The following CTNNA2 variants were observed in gnomAD, a reference collection of about 807,000 sequenced individuals.
CTNNA2 encodes catenin alpha 2.
In CTNNA2, 42 loss-of-function variants were observed where a neutral mutation model predicts 101.0. The observed-to-expected ratio is 0.42, with a 90% CI of 0.32 to 0.54. The LOEUF (loss-of-function observed/expected upper bound fraction) is 0.54. Among genes scored for constraint, CTNNA2 ranks in the 20% least tolerant of loss-of-function variants. CTNNA2 has a pLI of 0.14. For missense variants in CTNNA2, 871 were observed against 1,223.1 expected (o/e 0.71, Z 4.29); for synonymous variants, 450 against 456.4 (o/e 0.99, Z 0.18).
intron 1 of CTNNA2, among the ~76,000 whole-genome samples, chr2:79,527,775 T>C (rs961944301): frequency 1.3e-5 from 2 of 152,192 alleles, no homozygotes; most frequent in African/African-American, 4.8e-5. Flanking sequence ...AAAAGTTAAA[T>C]ATAAAATTTC....
intron 7 of CTNNA2, among the ~76,000 whole-genome samples, chr2:80,309,932 A>T (rs1677388838): frequency 6.6e-6 from 1 of 151,580 alleles, no homozygotes; most frequent in African/African-American, 2.4e-5. Context: ...ACAAACTCTA[A>T]TAGAGTTTGG....
intron 2 of CTNNA2, among the ~76,000 whole-genome samples, chr2:79,710,216 G>T (rs1192881646): frequency 6.6e-6 from 1 of 151,842 alleles, no homozygotes; most frequent in Non-Finnish European, 1.5e-5. Context: ...AAAAAAAAAT[G>T]GATGAGACTT....
intron 7 of CTNNA2, among the ~76,000 whole-genome samples, chr2:80,096,284 G>A (rs1459734895): frequency 6.6e-6 from 1 of 152,198 alleles, no homozygotes; most frequent in African/African-American, 2.4e-5. Flanking sequence ...TCAGGAGCAG[G>A]TTGTTCAGTT....
Position 80,547,690 on chromosome 2 carries a change from C to CTTTTTTTTTTTTTTTTTTTTTT in CTNNA2, c.1540+1643_1540+1644insTTTTTTTTTTTTTTTTTTTTTT, listed in dbSNP as rs61186189. Reference sequence around the variant, plus strand: ...AGAACTCAATATATTGTCACTTCTGCTTTTTTTTTTTTTTTTGAGATGGAG... The same window carrying CTTTTTTTTTTTTTTTTTTTTTT: ...AGAACTCAATATATTGTCACTTCTGCTTTTTTTTTTTTTTTTTTTTTTTTTTTTTTTTTTTTTTGAGATGGAG... On this transcript the variant is annotated intron_variant, in intron 11 of 18. Transcript: ENST00000402739. Among the ~76,000 whole-genome samples, 4 of 124,314 alleles carry CTTTTTTTTTTTTTTTTTTTTTT rather than the reference C, an allele frequency of 3.2e-5. 2 individuals are homozygous for CTTTTTTTTTTTTTTTTTTTTTT. The highest frequency in any genetic ancestry group is 6.8e-5 in the African/African-American group (2 of 29,340). The allele number at this position is 124,314 out of a possible 152,430, so 81.6% of individuals were successfully genotyped here.
intron 1 of CTNNA2, among the ~76,000 whole-genome samples, chr2:79,524,157 T>G (rs993746959): frequency 2.5e-4 from 38 of 152,026 alleles, no homozygotes; most frequent in African/African-American, 8.9e-4. Flanking sequence ...TTATATTTAA[T>G]TTAAGATAAT....
chr2:79,442,786 G>A (rs1678790292), intron 4 of CTNNA2, among the ~76,000 whole-genome samples: 1 of 152,040 alleles, frequency 6.6e-6, no homozygotes, highest in Admixed American at 6.6e-5. Context: ...TGATTACTTT[G>A]TCTGTTTGTA....
intron 7 of CTNNA2, among the ~76,000 whole-genome samples, chr2:80,280,732 A>G (rs1674315827): frequency 6.6e-6 from 1 of 152,136 alleles, no homozygotes; most frequent in South Asian, 2.1e-4. Context: ...TGCTATTCTG[A>G]GGAACATGAT....
rs530479251 is a variant in CTNNA2, at chr2:80,463,066, C to T, written c.1290+43465C>T. ...TTTTACCTGACTCCCTAGGAGTTGG[C>T]GCTGTGATGCGATGCTTACTTGACT... On this transcript the variant is annotated intron_variant, in intron 9 of 18. Transcript: ENST00000402739. 7.9e-5 allele frequency among the ~76,000 whole-genome samples: 12 copies of T among 152,240 alleles called. No homozygotes were observed. The East Asian group carries it at 2.1e-3, about 27-fold the overall frequency.
intron 12 of CTNNA2, among the ~76,000 whole-genome samples, chr2:80,570,876 A>G (rs1187691374): frequency 6.6e-6 from 1 of 152,094 alleles, no homozygotes; most frequent in African/African-American, 2.4e-5. Flanking sequence ...TGCTGGTGCA[A>G]ATAGAATCCT....
At chr2:79,439,710 A>T (rs1678756941) in intron 4 of CTNNA2, among the ~76,000 whole-genome samples, 1 of 152,204 alleles carries the variant, frequency 6.6e-6, no homozygotes, top group Non-Finnish European at 1.5e-5. Context: ...CTCTAGAACA[A>T]GAGTTCTTCC....
Position 80,647,579 on chromosome 2 carries a change from C to A in CTNNA2, c.2575-6C>A. Reference sequence around the variant, plus strand: ...CCACATGTATCTCATTCTTTTCCTACTCTAGCTGGACAGTGCCACATCGCT... The same window carrying A: ...CCACATGTATCTCATTCTTTTCCTAATCTAGCTGGACAGTGCCACATCGCT... On this transcript the variant is annotated splice_region_variant and splice_polypyrimidine_tract_variant and intron_variant, in intron 18 of 18. Coordinates refer to ENST00000402739, the MANE Select transcript of CTNNA2 (RefSeq NM_001282597.3). 6.3e-7 allele frequency: 1 copy of A among 1,595,950 alleles called. No individual in the cohort carries two copies. The highest frequency in any genetic ancestry group is 8.6e-7 in the Non-Finnish European group (1 of 1,169,374).
At chr2:79,968,313 C>T (rs1690225409) in intron 7 of CTNNA2, among the ~76,000 whole-genome samples, 1 of 152,082 alleles carries the variant, frequency 6.6e-6, no homozygotes, top group Non-Finnish European at 1.5e-5. Context: ...CCCAGGCTGA[C>T]AGAGTAGCCA....
chr2:80,575,216 T>C (rs1444280189), intron 13 of CTNNA2: 1 of 151,778 alleles, frequency 6.6e-6, no homozygotes, highest in Non-Finnish European at 1.5e-5. Flanking sequence ...TCTGCAGTTC[T>C]AATCCCAAAA....
intron 4 of CTNNA2, among the ~76,000 whole-genome samples, chr2:79,464,175 C>T (rs1206265204): frequency 6.6e-6 from 1 of 152,082 alleles, no homozygotes; most frequent in Non-Finnish European, 1.5e-5. Flanking sequence ...ATGTTCCCCA[C>T]CCTGTGTCCA....
In CTNNA2 at chr2:80,302,616, G is replaced by T; in HGVS notation, c.1057-90595G>T. Reference sequence around the variant, plus strand: ...GTGGCAGGCTCGAATGTGCCGTCGTGCTGCCCCTCCCCGCCGTCCGCGAGC... The same window carrying T: ...GTGGCAGGCTCGAATGTGCCGTCGTTCTGCCCCTCCCCGCCGTCCGCGAGC... On this transcript the variant is annotated intron_variant, in intron 7 of 18. Coordinates refer to ENST00000402739, the MANE Select transcript of CTNNA2 (RefSeq NM_001282597.3). The surrounding 1 kb of genome is among the most constrained non-coding windows in gnomAD (Gnocchi z 6.4). 3 of 1,605,782 alleles carry T rather than the reference G, an allele frequency of 1.9e-6. No individual in the cohort carries two copies. Among genetic ancestry groups the T allele is most frequent in the Non-Finnish European group, 2.5e-6 (3 of 1,178,496 alleles).
intron 4 of CTNNA2, among the ~76,000 whole-genome samples, chr2:79,437,839 G>T (rs1400872138): frequency 6.6e-6 from 1 of 152,140 alleles, no homozygotes; most frequent in Non-Finnish European, 1.5e-5. Context: ...GCTGCTCTTT[G>T]TTCCAGCGCT....
At chr2:80,545,435 ACT>A (rs1691967183) in intron 10 of CTNNA2, among the ~76,000 whole-genome samples, 1 of 152,080 alleles carries the variant, frequency 6.6e-6, no homozygotes, top group African/African-American at 2.4e-5. Flanking sequence ...GTCCCAGTTT[ACT>A]GGGGAGTCTG....
intron 6 of CTNNA2, among the ~76,000 whole-genome samples, chr2:79,885,649 T>A (rs969259342): frequency 1.3e-5 from 2 of 152,234 alleles, no homozygotes; most frequent in African/African-American, 4.8e-5. Context: ...ACTACAGACA[T>A]CTAGCAACCC....
chr2:79,365,415 G>C (rs916366886), intron 3 of CTNNA2, among the ~76,000 whole-genome samples: 1 of 152,116 alleles, frequency 6.6e-6, no homozygotes, highest in Admixed American at 6.5e-5. Context: ...TTGAGCCCAG[G>C]AGTTTGAAAC....
Sources: allele counts gnomAD v4.1 joint callset (sites outside exome capture counted in the v4.1 genomes callset), GRCh38; gene constraint gnomAD v4.1.1; non-coding constraint Gnocchi (gnomAD v3.1); transcripts MANE v1.5; gene names NCBI Gene and HGNC (gene_info 2026-07-23, HGNC 2026-07-21).